Variants in LZTS1 observed in about 807,000 individuals in gnomAD.
The protein encoded by LZTS1 is leucine zipper putative tumor suppressor 1.
A neutral mutation model predicts 45.8 loss-of-function variants in LZTS1; 31 were observed. The ratio of observed to expected loss-of-function variants is 0.68; its 90% CI spans 0.51 to 0.91. The LOEUF is 0.91. Ranked by LOEUF, LZTS1 falls within the 40% of genes least tolerant of loss-of-function variation. The pLI is 0.00. For missense variants in LZTS1, 821 were observed against 788.9 expected, an observed-to-expected ratio of 1.04 and a Z score of -0.49; for synonymous variants, 359 against 357.3, an observed-to-expected ratio of 1.00 and a Z score of -0.05.
intron 1 of LZTS1, among the ~76,000 whole-genome samples, chr8:20,299,825 C>T (rs1174535233): frequency 6.6e-6 from 1 of 152,206 alleles, no homozygotes; most frequent in Non-Finnish European, 1.5e-5. Flanking sequence ...AGGCTTCAAA[C>T]TGTAGCAGCA....
chr8:20,290,793 T>A (rs1254077573), intron 1 of LZTS1, among the ~76,000 whole-genome samples: 3 of 152,106 alleles, frequency 2.0e-5, no homozygotes, highest in Non-Finnish European at 4.4e-5. Context: ...ATGATCCAGA[T>A]GGGAAAGACA....
rs1585309150 is a variant in LZTS1, at chr8:20,303,877, A to C, written c.-272T>G. On this transcript the variant is annotated 5_prime_UTR_variant, in exon 1 of 4. Transcript: ENST00000381569. ...GCGCGGGATGCAGCTCCCGGCTCCC[A>C]CTCACTGGCCGAGGCGGGCAGAGAA... is the stretch of plus-strand genomic sequence containing the variant. The C allele has an allele frequency of 1.0e-6, 1 of 982,814 alleles. No homozygotes were observed. The highest frequency in any genetic ancestry group is 4.7e-5 in the South Asian group (1 of 21,210). The allele number at this position is 982,814 out of a possible 1,614,324, so 60.9% of individuals were successfully genotyped here.
intron 1 of LZTS1, among the ~76,000 whole-genome samples, chr8:20,265,567 T>C (rs1161273051): frequency 6.7e-6 from 1 of 149,992 alleles, no homozygotes; most frequent in Non-Finnish European, 1.5e-5. Flanking sequence ...TAGTCCCAGC[T>C]ATTTGGTAGG....
intron 1 of LZTS1, among the ~76,000 whole-genome samples, chr8:20,268,912 C>T (rs1200956622): frequency 1.3e-5 from 2 of 152,038 alleles, no homozygotes; most frequent in Admixed American, 6.5e-5. Flanking sequence ...TTCGGCTTCC[C>T]ACTGCTCTGG....
chr8:20,281,727 C>T (rs1800697564), intron 1 of LZTS1, among the ~76,000 whole-genome samples: 1 of 152,182 alleles, frequency 6.6e-6, no homozygotes, highest in Non-Finnish European at 1.5e-5. Context: ...CCCCCTTCAC[C>T]TTGCACCATG....
chr8:20,278,704 C>T (rs906605776), intron 1 of LZTS1, among the ~76,000 whole-genome samples: 3 of 152,158 alleles, frequency 2.0e-5, no homozygotes, highest in Non-Finnish European at 4.4e-5. Flanking sequence ...TAATATGGAG[C>T]TCAATACATA....
intron 1 of LZTS1, among the ~76,000 whole-genome samples, chr8:20,272,417 C>G (rs369933188): frequency 6.6e-6 from 1 of 152,144 alleles, no homozygotes; most frequent in East Asian, 1.9e-4. Flanking sequence ...CTTCCCAGAT[C>G]AGGTCCTCAT....
At chr8:20,297,021 C>T (rs1016753552) in intron 1 of LZTS1, among the ~76,000 whole-genome samples, 1 of 152,268 alleles carries the variant, frequency 6.6e-6, no homozygotes, top group African/African-American at 2.4e-5. Flanking sequence ...CGCCTCCCTT[C>T]GCTCCCCTCC....
intron 1 of LZTS1, among the ~76,000 whole-genome samples, chr8:20,292,059 A>C (rs942912276): frequency 6.6e-6 from 1 of 151,906 alleles, no homozygotes; most frequent in Non-Finnish European, 1.5e-5. Context: ...CTCTCTGGAA[A>C]CCTCATGGGA....
chr8:20,270,426 A>T (rs1313580442), intron 1 of LZTS1, among the ~76,000 whole-genome samples: 1 of 152,252 alleles, frequency 6.6e-6, no homozygotes, highest in Non-Finnish European at 1.5e-5. Context: ...GTCATCAGCC[A>T]TCAACAGCAG....
In LZTS1 at chr8:20,253,207, A is replaced by C. The variant is rs953898834; in HGVS notation, c.724T>G (p.Ser242Ala). The C allele has an allele frequency of 1.9e-6, 3 of 1,613,630 alleles. No homozygotes were observed. Among genetic ancestry groups the C allele is most frequent in the Non-Finnish European group, 2.5e-6 (3 of 1,180,030 alleles). The change falls in exon 3 of 4, where the codon TCG (serine) becomes GCG (alanine). Residue 242 changes from serine to alanine, a missense_variant. Physicochemically the swap from Ser to Ala is moderately conservative, Grantham distance 99. Coordinates refer to ENST00000381569, the MANE Select transcript of LZTS1 (RefSeq NM_021020.5). ...GAGGGGCCCTTGTCTGCCTTGTTCGAGTGGCCCAGCTTGCTACCTCCGTCG... is the reference window on the plus strand; with the variant it reads ...GAGGGGCCCTTGTCTGCCTTGTTCGCGTGGCCCAGCTTGCTACCTCCGTCG... ...FSDGGSKLGH[S>A]NKADKGPSCV...
intron 1 of LZTS1, among the ~76,000 whole-genome samples, chr8:20,300,196 G>A (rs1309127493): frequency 6.6e-6 from 1 of 152,150 alleles, no homozygotes; most frequent in African/African-American, 2.4e-5. Context: ...CTAGCAAAGG[G>A]CACCCATGCA....
chr8:20,297,170 G>C (rs1280857504), intron 1 of LZTS1, among the ~76,000 whole-genome samples: 1 of 152,142 alleles, frequency 6.6e-6, no homozygotes, highest in African/African-American at 2.4e-5. Context: ...GAACGTACTT[G>C]CTCATGGACA....
In LZTS1 at chr8:20,253,550, G is replaced by A. The variant is rs1256228345; in HGVS notation, c.381C>T (p.Phe127=). ...CTCCTGACCGTGGCAGCACAGGCTT[G>A]AAGGCTGTGGGCCTCACTGCACCCT... ...SEKGAVRPTA[F]KPVLPRSGAI... The change falls in exon 3 of 4, where the codon TTC becomes TTT. Residue 127 remains phenylalanine (F), a synonymous_variant. Coordinates refer to ENST00000381569, the MANE Select transcript of LZTS1 (RefSeq NM_021020.5). 6.7e-7 allele frequency: 1 copy of A among 1,497,290 alleles called. No homozygotes were observed. The highest frequency in any genetic ancestry group is 8.9e-7 in the Non-Finnish European group (1 of 1,124,732). The allele number at this position is 1,497,290 out of a possible 1,614,324, so 92.8% of individuals were successfully genotyped here.
chr8:20,299,673 T>A (rs1417076376), intron 1 of LZTS1, among the ~76,000 whole-genome samples: 1 of 152,070 alleles, frequency 6.6e-6, no homozygotes, highest in East Asian at 1.9e-4. Context: ...GTAATTCCTA[T>A]ATGAGAAATA....
Position 20,249,626 on chromosome 8 carries a change from C to T in LZTS1, c.*96G>A. On this transcript the variant is annotated 3_prime_UTR_variant, in exon 4 of 4. Coordinates refer to ENST00000381569, the MANE Select transcript of LZTS1 (RefSeq NM_021020.5). ...GGGTCTGTGTCCCAGGGAGTGGCGTCTCTCAGAGGGGTCTGAATTGCTGAG... is the reference window on the plus strand; with the variant it reads ...GGGTCTGTGTCCCAGGGAGTGGCGTTTCTCAGAGGGGTCTGAATTGCTGAG... The T allele has an allele frequency of 4.1e-6, 6 of 1,450,566 alleles. No individual in the cohort carries two copies. Among genetic ancestry groups the T allele is most frequent in the Non-Finnish European group, 5.5e-6 (6 of 1,085,726 alleles). The allele number at this position is 1,450,566 out of a possible 1,614,324, so 89.9% of individuals were successfully genotyped here.
chr8:20,294,817 G>T (rs1800955255), intron 1 of LZTS1, among the ~76,000 whole-genome samples: 1 of 151,960 alleles, frequency 6.6e-6, no homozygotes, highest in Non-Finnish European at 1.5e-5. Context: ...AGACAGAGGG[G>T]AGGGCAGACC....
At chr8:20,297,039 G>A (rs1190253324) in intron 1 of LZTS1, among the ~76,000 whole-genome samples, 1 of 151,954 alleles carries the variant, frequency 6.6e-6, no homozygotes, top group African/African-American at 2.4e-5. Flanking sequence ...TCCTTCCCAC[G>A]ATGCTCCATC....
At chr8:20,269,319 G>A (rs778089048) in intron 1 of LZTS1, among the ~76,000 whole-genome samples, 1 of 152,202 alleles carries the variant, frequency 6.6e-6, no homozygotes, top group Non-Finnish European at 1.5e-5. Flanking sequence ...CCAGAGGAGG[G>A]CTGGGCATCT....
Sources: gnomAD v4.1 joint callset for allele counts (sites outside exome capture counted in the v4.1 genomes callset) on GRCh38, gnomAD v4.1.1 for gene constraint, MANE v1.5 for transcripts, NCBI Gene and HGNC (gene_info 2026-07-23, HGNC 2026-07-21) for gene names.